MID2: variants seen among roughly 807,000 people sequenced by gnomAD.
MID2 encodes the protein midline 2, also known as probable E3 ubiquitin-protein ligase MID2.
A neutral mutation model predicts 46.1 loss-of-function variants in MID2; 13 were observed. That is an observed-to-expected ratio of 0.28 (90% CI 0.18 to 0.45). The LOEUF is 0.45. Ranked by LOEUF, MID2 falls within the 20% of genes least tolerant of loss-of-function variation. The pLI, the probability that MID2 is intolerant of heterozygous loss-of-function variation, is 1.00. For synonymous variants in MID2, 199 were observed against 212.3 expected (o/e 0.94, Z 0.55); for missense variants, 431 against 575.4 (o/e 0.75, Z 2.57).
chrX:107,873,139 C>A (rs1932113731), intron 3 of MID2, among the ~76,000 whole-genome samples: 1 of 111,420 alleles, frequency 9.0e-6, no homozygotes, highest in South Asian at 3.9e-4. Context: ...CTTAGGGAGT[C>A]CAAAGCAAGG....
intron 3 of MID2, among the ~76,000 whole-genome samples, chrX:107,882,647 A>T (rs1407725555): frequency 8.9e-6 from 1 of 112,089 alleles, no homozygotes; most frequent in Non-Finnish European, 1.9e-5. Flanking sequence ...TCAAAACCAC[A>T]ATGAGATACC....
In MID2 at chrX:107,840,676, G is replaced by A; in HGVS notation, c.11G>A (p.Ser4Asn). MGESPASVVLNASG... is the reference protein window; with the variant it reads MGENPASVVLNASG... ...TGCTTTGTATTCCTTGCAGGTGAAA[G>A]CCCAGCCTCCGTGGTTCTTAATGCC... Residue 4 changes from serine (S) to asparagine (N), a missense_variant, in exon 2 of 10, where the codon AGC becomes AAC. Transcript: ENST00000262843. The A allele has an allele frequency of 2.5e-6, 3 of 1,205,496 alleles. No individual in the cohort carries two copies. Among genetic ancestry groups the A allele is most frequent in the Non-Finnish European group, 3.4e-6 (3 of 890,523 alleles).
chrX:107,884,684 A>AAAAGC (rs5903310), intron 3 of MID2, among the ~76,000 whole-genome samples: 1 of 108,599 alleles, frequency 9.2e-6, no homozygotes, highest in Non-Finnish European at 1.9e-5. Flanking sequence ...CAAAGAGACC[A>AAAAGC]AAAACAAAAC....
rs747776704 is a variant in MID2 at position 107,865,189 on chromosome X, T to C, written c.816+10485T>C. On this transcript the variant is annotated intron_variant, in intron 3 of 9. Transcript: ENST00000262843. Reference sequence around the variant, plus strand: ...GCAAAACTAACAACCCATGGCTCCATGTGCAGTGTTTTGCAAGTCGCTGAT... The same window carrying C: ...GCAAAACTAACAACCCATGGCTCCACGTGCAGTGTTTTGCAAGTCGCTGAT... 2.7e-5 allele frequency among the ~76,000 whole-genome samples: 3 copies of C among 112,301 alleles called. No homozygotes were observed. In the East Asian group the frequency reaches 8.4e-4, roughly 31 times the overall value.
chrX:107,876,811 T>G (rs1256220105), intron 3 of MID2, among the ~76,000 whole-genome samples: 1 of 112,163 alleles, frequency 8.9e-6, no homozygotes, highest in Non-Finnish European at 1.9e-5. Context: ...CAGGGTCATC[T>G]GAAAACTTGC....
At chrX:107,904,337 T>C (rs1161937828) in intron 4 of MID2, among the ~76,000 whole-genome samples, 5 of 111,828 alleles carry the variant, frequency 4.5e-5, no homozygotes, top group South Asian at 7.5e-4. Context: ...TTGGGTGCTT[T>C]ACTGTTGTAT....
chrX:107,912,196 A>G (rs1005124382), intron 5 of MID2, among the ~76,000 whole-genome samples: 7 of 111,656 alleles, frequency 6.3e-5, no homozygotes, highest in Admixed American at 1.9e-4. Context: ...TTTGTTGACA[A>G]TCTTTTACTT....
intron 2 of MID2, among the ~76,000 whole-genome samples, chrX:107,848,563 C>T (rs772288904): frequency 2.2e-4 from 24 of 111,158 alleles, no homozygotes; most frequent in Admixed American, 1.7e-3. Flanking sequence ...AGTCTTTCAC[C>T]TGGCTTGAGG....
In MID2 at chrX:107,908,868, C is replaced by CA. The variant is rs774322825; in HGVS notation, c.1073+3249dup. 2.0e-4 allele frequency among the ~76,000 whole-genome samples: 22 copies of CA among 110,808 alleles called. 1 individual carries two copies. The highest frequency in any genetic ancestry group is 1.5e-3 in the Admixed American group (16 of 10,485). On this transcript the variant is annotated intron_variant, in intron 5 of 9. Transcript: ENST00000262843. ...CAGGACAATGTCTTGTCTCTGAAAA[C>CA]AAAAAAAGATATTTAGCCTTTCCTC...
chrX:107,826,090 A>G lies in MID2; in HGVS notation c.-337A>G, dbSNP rs916481382. 2 of 294,288 alleles carry G rather than the reference A, an allele frequency of 6.8e-6. No homozygotes were observed. Among genetic ancestry groups the G allele is most frequent in the Non-Finnish European group, 1.2e-5 (2 of 169,134 alleles). The allele number at this position is 294,288 out of a possible 1,213,427, so 24.3% of individuals were successfully genotyped here. On this transcript the variant is annotated 5_prime_UTR_variant, in exon 1 of 10. It removes an upstream start codon present in the reference 5' UTR. Transcript: ENST00000262843. ...TTTTTTTTCCTCTGCGGCGGCGGAA[A>G]TGACAGTGTGGTGCTGCCGTGGTGT... is the stretch of plus-strand genomic sequence containing the variant.
chrX:107,845,525 A>ACACACACACTCTCT (rs1276957001), intron 2 of MID2, among the ~76,000 whole-genome samples: 1 of 72,982 alleles, frequency 1.4e-5, no homozygotes, highest in African/African-American at 7.6e-5. Flanking sequence ...ACACACACAC[A>ACACACACACTCTCT]CTCTCTCTCT....
intron 3 of MID2, among the ~76,000 whole-genome samples, chrX:107,891,017 C>T (rs1473876177): frequency 1.8e-5 from 2 of 110,404 alleles, no homozygotes; most frequent in Non-Finnish European, 3.8e-5. Flanking sequence ...GTCTCTCACC[C>T]GTTTCTTTGA....
intron 7 of MID2, among the ~76,000 whole-genome samples, chrX:107,921,616 A>G (rs906940216): frequency 4.5e-4 from 50 of 111,547 alleles, no homozygotes; most frequent in African/African-American, 1.6e-3. Flanking sequence ...CACATTTTCA[A>G]GTTGGCACTT....
chrX:107,902,341 A>G (rs1932801284), intron 3 of MID2, among the ~76,000 whole-genome samples: 1 of 111,912 alleles, frequency 8.9e-6, no homozygotes, highest in Non-Finnish European at 1.9e-5. Flanking sequence ...GAAATTATAA[A>G]TGGCAAGTGT....
chrX:107,826,496 C>A (rs890032158), intron 1 of MID2, 66 bp downstream of exon 1: 1 of 1,081,533 alleles, frequency 9.2e-7, no homozygotes, highest in Non-Finnish European at 1.2e-6. Context: ...GGCTAGTCTC[C>A]GGCTCCGGCC....
chrX:107,882,013 G>A (rs931563453), intron 3 of MID2, among the ~76,000 whole-genome samples: 1 of 111,964 alleles, frequency 8.9e-6, no homozygotes, highest in Non-Finnish European at 1.9e-5. Context: ...CAGATATACA[G>A]ACCAATGGAA....
rs771814829 is a variant in MID2, at chrX:107,891,101, C to T, written c.817-12857C>T. Among the ~76,000 whole-genome samples the T allele has an allele frequency of 7.3e-5, 8 of 109,754 alleles. No individual in the cohort carries two copies. The East Asian group carries it at 1.2e-3, about 16-fold the overall frequency. On this transcript the variant is annotated intron_variant, in intron 3 of 9. Coordinates refer to ENST00000262843, the MANE Select transcript of MID2 (RefSeq NM_012216.4). Reference sequence around the variant, plus strand: ...GCCTCACCCTGCTTCGGCTCACGCTCGGTGCGCTGCACCCACTGTCCTGCA... The same window carrying T: ...GCCTCACCCTGCTTCGGCTCACGCTTGGTGCGCTGCACCCACTGTCCTGCA...
rs1192290177 is a variant in MID2 at position 107,841,105 on chromosome X, C to T, written c.440C>T (p.Pro147Leu). Residue 147 changes from proline (P) to leucine (L), a missense_variant, in exon 2 of 10, where the codon CCA (proline) becomes CTA (leucine). By Grantham distance (98) the Pro-to-Leu change is moderately conservative. Transcript: ENST00000262843. ...TGCCAATTCTGTGAGCAGGACCCGC[C>T]AAGGGATGCAGTAAAAACATGCATC... ...IACQFCEQDP[P>L]RDAVKTCITC... is the part of the protein sequence containing the mutation. 2 of 1,211,491 alleles carry T rather than the reference C, an allele frequency of 1.7e-6. No homozygotes were observed. The highest frequency in any genetic ancestry group is 2.2e-5 in the Admixed American group (1 of 46,008).
At chrX:107,889,737 C>T (rs1346045035) in intron 3 of MID2, among the ~76,000 whole-genome samples, 10 of 112,117 alleles carry the variant, frequency 8.9e-5, no homozygotes, top group African/African-American at 2.3e-4. Context: ...CCATTCTCCC[C>T]GTCACTTTCA....
Sources: gnomAD v4.1 joint callset for allele counts (sites outside exome capture counted in the v4.1 genomes callset) on GRCh38, gnomAD v4.1.1 for gene constraint, MANE v1.5 for transcripts, NCBI Gene and HGNC (gene_info 2026-07-23, HGNC 2026-07-21) for gene names.